Variants in RIPOR2 observed in about 807,000 individuals in gnomAD.
The protein encoded by RIPOR2 is rho family-interacting cell polarization regulator 2.
A neutral mutation model predicts 114.5 loss-of-function variants in RIPOR2; 39 were observed. The ratio of observed to expected loss-of-function variants is 0.34; its 90% CI spans 0.26 to 0.44. The LOEUF (loss-of-function observed/expected upper bound fraction) is 0.44, where lower values mean the gene tolerates loss of function less well. Among genes scored for constraint, RIPOR2 ranks in the 20% least tolerant of loss-of-function variants. The pLI, the probability that RIPOR2 is intolerant of heterozygous loss-of-function variation, is 1.00. For synonymous variants in RIPOR2, 445 were observed against 484.4 expected, an observed-to-expected ratio of 0.92 and a Z score of 1.07; for missense variants, 1,007 against 1,255.1, an observed-to-expected ratio of 0.80 and a Z score of 2.99.
At chr6:24,889,907 T>A (rs1767170662) in intron 1 of RIPOR2, among the ~76,000 whole-genome samples, 1 of 152,146 alleles carries the variant, frequency 6.6e-6, no homozygotes, top group Admixed American at 6.5e-5. Flanking sequence ...ATTTTATTTT[T>A]TTGAGACAGA....
chr6:25,009,366 CT>C (rs1775687652), intron 1 of RIPOR2, among the ~76,000 whole-genome samples: 1 of 152,212 alleles, frequency 6.6e-6, no homozygotes, highest in Admixed American at 6.5e-5. Flanking sequence ...ATACTCCAGC[CT>C]GAGTTGTTAA....
At chr6:24,810,336 C>T (rs572392838) in intron 20 of RIPOR2, among the ~76,000 whole-genome samples, 21 of 152,282 alleles carry the variant, frequency 1.4e-4, no homozygotes, top group Non-Finnish European at 2.6e-4. Context: ...AGTGAAGTGA[C>T]GAGCTTGCTT....
chr6:24,967,949 G>A (rs1476901557), intron 1 of RIPOR2, among the ~76,000 whole-genome samples: 17 of 131,632 alleles, frequency 1.3e-4, no homozygotes, highest in Non-Finnish European at 4.6e-5. Flanking sequence ...GTCTCGCTCT[G>A]TCACCCAGGC....
At chr6:24,945,888 G>T (rs1385199955) in intron 1 of RIPOR2, among the ~76,000 whole-genome samples, 1 of 151,826 alleles carries the variant, frequency 6.6e-6, no homozygotes, top group Non-Finnish European at 1.5e-5. Flanking sequence ...GCTTCTTAGT[G>T]CTTACACCTA....
chr6:24,938,372 A>T (rs1771934907), upstream of RIPOR2, among the ~76,000 whole-genome samples: 1 of 152,196 alleles, frequency 6.6e-6, no homozygotes, highest in Non-Finnish European at 1.5e-5. Context: ...AATCCTGCCA[A>T]CACCTTGACC....
At chr6:24,930,334 T>A (rs1178041353) in intron 1 of RIPOR2, among the ~76,000 whole-genome samples, 1 of 152,228 alleles carries the variant, frequency 6.6e-6, no homozygotes, top group Non-Finnish European at 1.5e-5. Flanking sequence ...CTTACACACA[T>A]CATTCCTAAA....
At chr6:24,872,069 C>T (rs966205618) in intron 4 of RIPOR2, among the ~76,000 whole-genome samples, 10 of 152,226 alleles carry the variant, frequency 6.6e-5, no homozygotes, top group African/African-American at 2.4e-4. Context: ...TGTCTAGCTG[C>T]ACCTCCTAGG....
At chr6:24,914,393 T>C (rs2114083154) in intron 1 of RIPOR2, among the ~76,000 whole-genome samples, 1 of 152,250 alleles carries the variant, frequency 6.6e-6, no homozygotes, top group Middle Eastern at 3.4e-3. Context: ...ATAGCTATTA[T>C]TTCAAGAAGT....
At chr6:25,022,997 A>AT (rs34977901) in intron 1 of RIPOR2, among the ~76,000 whole-genome samples, 27,496 of 149,134 alleles carry the variant, frequency 0.18, 3,519 homozygotes, top group East Asian at 0.61. Context: ...AGAGCAGTCA[A>AT]TTTTTTTTTT....
chr6:24,862,082 G>A (rs971893388), intron 7 of RIPOR2, among the ~76,000 whole-genome samples: 1 of 152,224 alleles, frequency 6.6e-6, no homozygotes, highest in Admixed American at 6.5e-5. Context: ...CACCATCTGT[G>A]CATGTGGTTA....
intron 12 of RIPOR2, among the ~76,000 whole-genome samples, chr6:24,847,235 G>A (rs1235798029): frequency 1.3e-5 from 2 of 152,210 alleles, no homozygotes; most frequent in Admixed American, 6.5e-5. Flanking sequence ...TTACAGGCGT[G>A]AGCCACCATG....
chr6:24,971,494 A>G lies in RIPOR2; in HGVS notation c.76+70357T>C, dbSNP rs114877969. ...CTTTTCTATCACTGGTCCTTTCAAA[A>G]TGTTGACTGATAGTTCAGGATGGGT... On this transcript the variant is annotated intron_variant, in intron 1 of 13. Coordinates refer to the RIPOR2 transcript ENST00000510784. Among the ~76,000 whole-genome samples the G allele has an allele frequency of 8.3e-3, 1,257 of 152,344 alleles. 14 individuals carry two copies. Among genetic ancestry groups the G allele is most frequent in the African/African-American group, 0.026 (1,100 of 41,582 alleles).
intron 8 of RIPOR2, among the ~76,000 whole-genome samples, chr6:24,859,374 T>G (rs530975382): frequency 6.6e-6 from 1 of 152,314 alleles, no homozygotes; most frequent in Non-Finnish European, 1.5e-5. Context: ...GAAGGTTTTC[T>G]GCTAAACACT....
chr6:24,983,926 G>C (rs1308342401), intron 1 of RIPOR2, among the ~76,000 whole-genome samples: 3 of 152,124 alleles, frequency 2.0e-5, no homozygotes, highest in African/African-American at 7.2e-5. Flanking sequence ...CTTCAGAGAA[G>C]CATCCCTAAA....
At chr6:25,015,290 C>T (rs935666188) in intron 1 of RIPOR2, 1 of 152,260 alleles carries the variant, frequency 6.6e-6, no homozygotes, top group South Asian at 2.1e-4. Flanking sequence ...GTCTGATAAG[C>T]ATCGTGTCAA....
chr6:24,884,589 C>T lies in RIPOR2; in HGVS notation c.62-8772G>A, dbSNP rs1227336664. Among the ~76,000 whole-genome samples the T allele has an allele frequency of 2.6e-5, 4 of 152,278 alleles. No individual in the cohort carries two copies. In the East Asian group the frequency reaches 5.8e-4, roughly 22 times the overall value. On this transcript the variant is annotated intron_variant, in intron 1 of 21. Coordinates refer to ENST00000643898, the MANE Select transcript of RIPOR2 (RefSeq NM_001286445.3). ...TGTAGAACAACTCAACAGAGCCTCA[C>T]TCCTCAGCAAGGGGATGGAAGAACC...
intron 7 of RIPOR2, among the ~76,000 whole-genome samples, chr6:24,861,812 A>G (rs1431413302): frequency 6.6e-6 from 1 of 152,222 alleles, no homozygotes; most frequent in Non-Finnish European, 1.5e-5. Flanking sequence ...AGAGAGAGGG[A>G]AAGCAAATAT....
intron 1 of RIPOR2, among the ~76,000 whole-genome samples, chr6:24,900,437 A>G (rs1172821523): frequency 6.6e-6 from 1 of 152,210 alleles, no homozygotes; most frequent in African/African-American, 2.4e-5. Context: ...AATATAAAAC[A>G]TGTTTATTTA....
intron 1 of RIPOR2, among the ~76,000 whole-genome samples, chr6:24,914,754 A>G (rs900745961): frequency 6.6e-6 from 1 of 152,226 alleles, no homozygotes; most frequent in African/African-American, 2.4e-5. Flanking sequence ...TAAATACACA[A>G]TTCATCAGAA....
Sources: allele counts gnomAD v4.1 joint callset (sites outside exome capture counted in the v4.1 genomes callset), GRCh38; gene constraint gnomAD v4.1.1; transcripts MANE v1.5; gene names NCBI Gene and HGNC (gene_info 2026-07-23, HGNC 2026-07-21).